Variants in KCNH7 observed in about 807,000 individuals in gnomAD.
The protein encoded by KCNH7 is potassium voltage-gated channel subfamily H member 7, also known as voltage-gated inwardly rectifying potassium channel KCNH7.
Under a neutral mutation model 120.8 loss-of-function variants are expected in KCNH7, and 49 were observed. That is an observed-to-expected ratio of 0.41 (90% CI 0.32 to 0.51). The LOEUF is 0.51. Among genes scored for constraint, KCNH7 ranks in the 20% least tolerant of loss-of-function variants. The pLI is 0.38. For missense variants in KCNH7, 1,097 were observed against 1,446.6 expected (o/e 0.76, Z 3.92); for synonymous variants, 547 against 516.1 (o/e 1.06, Z -0.81).
At chr2:162,763,771 GTT>G (rs57240789) in intron 2 of KCNH7, among the ~76,000 whole-genome samples, 37 of 119,128 alleles carry the variant, frequency 3.1e-4, no homozygotes, top group East Asian at 4.6e-4. Flanking sequence ...GTGTGTGTGT[GTT>G]TTGCTTTTGT....
chr2:162,549,324 G>T (rs1425169983), intron 2 of KCNH7, among the ~76,000 whole-genome samples: 1 of 152,162 alleles, frequency 6.6e-6, no homozygotes, highest in African/African-American at 2.4e-5. Flanking sequence ...TATAAAAGCT[G>T]GGGTTAATTC....
chr2:162,527,957 T>C (rs540811379), intron 3 of KCNH7: 1 of 152,088 alleles, frequency 6.6e-6, no homozygotes, highest in South Asian at 2.1e-4. Context: ...AAGTGTTTGT[T>C]AAAACACAGC....
Position 162,452,247 on chromosome 2 carries a change from T to C in KCNH7, c.1129-5804A>G, listed in dbSNP as rs900061182. 2.0e-5 allele frequency among the ~76,000 whole-genome samples: 3 copies of C among 152,144 alleles called. No homozygotes were observed. In the South Asian group the frequency reaches 6.2e-4, roughly 31 times the overall value. On this transcript the variant is annotated intron_variant, in intron 6 of 15. Transcript: ENST00000332142. The stretch of plus-strand genomic sequence containing the variant: ...ATGGATAGTTACTATTTATTTATAA[T>C]AAACTTAAAATTTTTCAAAATAAAC...
chr2:162,638,784 T>C (rs1259719268), intron 2 of KCNH7, among the ~76,000 whole-genome samples: 1 of 152,096 alleles, frequency 6.6e-6, no homozygotes, highest in Non-Finnish European at 1.5e-5. Flanking sequence ...CTAAGGGCAG[T>C]TCTAAACTGG....
chr2:162,803,243 T>G (rs1684412144), intron 2 of KCNH7, among the ~76,000 whole-genome samples: 1 of 151,784 alleles, frequency 6.6e-6, no homozygotes, highest in Admixed American at 6.6e-5. Context: ...TTAGTTCAAT[T>G]TCCATAAGTG....
intron 2 of KCNH7, among the ~76,000 whole-genome samples, chr2:162,726,477 T>A (rs1223816855): frequency 6.6e-6 from 1 of 152,212 alleles, no homozygotes; most frequent in African/African-American, 2.4e-5. Context: ...TGAAGTGCAG[T>A]GGCGCCATCT....
At chr2:162,509,218 T>C (rs997811940) in intron 5 of KCNH7, among the ~76,000 whole-genome samples, 3 of 151,518 alleles carry the variant, frequency 2.0e-5, no homozygotes, top group African/African-American at 7.3e-5. Flanking sequence ...ATGAGGCTAT[T>C]TAAATTTATC....
intron 6 of KCNH7, among the ~76,000 whole-genome samples, chr2:162,501,055 A>C (rs1276434262): frequency 6.6e-6 from 1 of 152,062 alleles, no homozygotes; most frequent in Non-Finnish European, 1.5e-5. Flanking sequence ...TGCAGGAGGA[A>C]GTTCTTGATA....
intron 2 of KCNH7, among the ~76,000 whole-genome samples, chr2:162,603,704 A>G (rs149832615): frequency 6.6e-6 from 1 of 152,160 alleles, no homozygotes; most frequent in East Asian, 1.9e-4. Context: ...ATCAGCTTTC[A>G]GAAAACATCC....
chr2:162,728,351 G>A (rs1687601620), intron 2 of KCNH7, among the ~76,000 whole-genome samples: 1 of 152,028 alleles, frequency 6.6e-6, no homozygotes, highest in Non-Finnish European at 1.5e-5. Context: ...AGCTGTTTGA[G>A]TGGTGTTTTT....
At chr2:162,597,770 A>G (rs1694426240) in intron 2 of KCNH7, among the ~76,000 whole-genome samples, 1 of 152,162 alleles carries the variant, frequency 6.6e-6, no homozygotes, top group African/African-American at 2.4e-5. Context: ...TTCTCATTCC[A>G]CAATGTATAC....
intron 2 of KCNH7, among the ~76,000 whole-genome samples, chr2:162,687,447 GACA>G (rs996250201): frequency 2.0e-5 from 3 of 151,888 alleles, no homozygotes; most frequent in African/African-American, 4.8e-5. Context: ...CTAATTATTG[GACA>G]ACATTTTATT....
intron 2 of KCNH7, among the ~76,000 whole-genome samples, chr2:162,538,846 G>T (rs889107274): frequency 2.6e-5 from 4 of 152,074 alleles, no homozygotes; most frequent in Non-Finnish European, 5.9e-5. Flanking sequence ...CTTTTAGAAA[G>T]ACTTTTTGTA....
At chr2:162,647,044 A>G (rs999067899) in intron 2 of KCNH7, among the ~76,000 whole-genome samples, 3 of 152,218 alleles carry the variant, frequency 2.0e-5, no homozygotes, top group African/African-American at 7.2e-5. Flanking sequence ...AAAGTCGGTC[A>G]GTAGTACCAA....
At chr2:162,565,758 C>T (rs1027309394) in intron 2 of KCNH7, among the ~76,000 whole-genome samples, 11 of 151,822 alleles carry the variant, frequency 7.2e-5, no homozygotes, top group Admixed American at 6.6e-4. Flanking sequence ...AAAGTTTCAC[C>T]ATCTGAAAAA....
At chr2:162,538,477 G>A (rs1400838483) in intron 2 of KCNH7, among the ~76,000 whole-genome samples, 2 of 151,998 alleles carry the variant, frequency 1.3e-5, no homozygotes, top group African/African-American at 2.4e-5. Flanking sequence ...AACATCAGAC[G>A]GAAATGTGAG....
intron 2 of KCNH7, among the ~76,000 whole-genome samples, chr2:162,718,307 C>T (rs71424747): frequency 0.023 from 3,436 of 152,064 alleles, 73 homozygotes; most frequent in East Asian, 0.12. Context: ...AATCAACCTA[C>T]TGGCAGGTGG....
chr2:162,470,182 G>A (rs1689459901), intron 6 of KCNH7, among the ~76,000 whole-genome samples: 2 of 152,124 alleles, frequency 1.3e-5, no homozygotes, highest in Admixed American at 1.3e-4. Context: ...TCTGGGATGT[G>A]AGGAGCCCCT....
At chr2:162,736,206 G>A (rs576444639) in intron 2 of KCNH7, among the ~76,000 whole-genome samples, 44 of 152,280 alleles carry the variant, frequency 2.9e-4, no homozygotes, top group Admixed American at 4.6e-4. Context: ...TAAAAATCCT[G>A]TTTGGACTAA....
Sources: gnomAD v4.1 joint callset for allele counts (sites outside exome capture counted in the v4.1 genomes callset) on GRCh38, gnomAD v4.1.1 for gene constraint, MANE v1.5 for transcripts, NCBI Gene and HGNC (gene_info 2026-07-23, HGNC 2026-07-21) for gene names.